The following CFAP58 variants were observed in gnomAD, a reference collection of about 807,000 sequenced individuals.
CFAP58 encodes cilia and flagella associated protein 58.
CFAP58 carries 88 observed loss-of-function variants against 119.5 expected under a neutral mutation model. The observed-to-expected ratio is 0.74, with a 90% CI of 0.62 to 0.88. The LOEUF is 0.88. Ranked by LOEUF, CFAP58 falls within the 40% of genes least tolerant of loss-of-function variation. The pLI is 0.00. For synonymous variants in CFAP58, 365 were observed against 366.3 expected, an observed-to-expected ratio of 1.00 and a Z score of 0.04; for missense variants, 990 against 1,021.2, an observed-to-expected ratio of 0.97 and a Z score of 0.42.
the CFAP58 span, among the ~76,000 whole-genome samples, chr10:104,341,122 C>T: frequency 6.6e-6 from 1 of 152,048 alleles, no homozygotes; most frequent in African/African-American, 2.4e-5. Flanking sequence ...TCCCCTTGGC[C>T]CTGTCAGAAG....
At chr10:104,369,556 G>A (rs2135259625) in intron 6 of CFAP58, among the ~76,000 whole-genome samples, 1 of 152,296 alleles carries the variant, frequency 6.6e-6, no homozygotes, top group East Asian at 1.9e-4. Context: ...CATTCTTTAT[G>A]AGAATGCAAT....
chr10:104,356,204 T>C (rs72825871), intron 1 of CFAP58, among the ~76,000 whole-genome samples: 4,082 of 152,360 alleles, frequency 0.027, 74 homozygotes, highest in African/African-American at 0.045. Flanking sequence ...GATATGCTTG[T>C]GACTCTACAT....
chr10:104,443,699 G>A (rs902170588), intron 15 of CFAP58, among the ~76,000 whole-genome samples: 27 of 152,308 alleles, frequency 1.8e-4, no homozygotes, highest in African/African-American at 6.3e-4. Context: ...CTGTAGCTTG[G>A]TGGGGAAAGG....
intron 7 of CFAP58, among the ~76,000 whole-genome samples, chr10:104,375,437 G>C (rs995326528): frequency 6.6e-6 from 1 of 152,060 alleles, no homozygotes; most frequent in Non-Finnish European, 1.5e-5. Flanking sequence ...GCAAGTGGCC[G>C]GGTGCAGTAG....
intron 11 of CFAP58, among the ~76,000 whole-genome samples, chr10:104,394,921 T>C (rs1040505837): frequency 3.9e-5 from 6 of 152,204 alleles, no homozygotes; most frequent in African/African-American, 9.6e-5. Context: ...ATTTTAAACA[T>C]TGCTTCACCC....
At chr10:104,370,546 G>A (rs959928653) in intron 6 of CFAP58, among the ~76,000 whole-genome samples, 63 of 152,300 alleles carry the variant, frequency 4.1e-4, no homozygotes, top group Middle Eastern at 3.4e-3. Context: ...ACCTGCCCCC[G>A]TGATTCAATT....
At chr10:104,409,180 T>C (rs1297173839) in intron 15 of CFAP58, among the ~76,000 whole-genome samples, 1 of 152,216 alleles carries the variant, frequency 6.6e-6, no homozygotes, top group African/African-American at 2.4e-5. Context: ...TTGTATATTT[T>C]CAGAATTATT....
chr10:104,403,904 T>TCATTGTGCTTTAGGTTAG, intron 14 of CFAP58, 64 bp downstream of exon 14: 1 of 1,014,198 alleles, frequency 9.9e-7, no homozygotes, highest in Non-Finnish European at 1.5e-6. Context: ...GCGAAGCTTC[T>TCATTGTGCTTTAGGTTAG]AACCTAAAGC....
In CFAP58 at chr10:104,364,851, G is replaced by C. The variant is rs757361110; in HGVS notation, c.559G>C (p.Glu187Gln). 2.5e-6 allele frequency: 4 copies of C among 1,611,872 alleles called. No individual in the cohort carries two copies. The South Asian group carries it at 3.3e-5, about 13-fold the overall frequency. The part of the protein sequence containing the change: ...AQTTEQQQET[E>Q]RSKEEAEHAI... ...GACCACTGAACAGCAGCAGGAAACA[G>C]AGCGATCAAAAGAGGAGGCTGAACA... is the stretch of plus-strand genomic sequence containing the variant. The change falls in exon 4 of 18, where the codon GAG (glutamate) becomes CAG (glutamine). Residue 187 changes from glutamate (E) to glutamine (Q), a missense_variant. Physicochemically the swap from Glu to Gln is conservative, Grantham distance 29. Transcript: ENST00000369704.
At chr10:104,391,693 C>T (rs1043883957) in intron 9 of CFAP58, among the ~76,000 whole-genome samples, 4 of 152,212 alleles carry the variant, frequency 2.6e-5, no homozygotes, top group African/African-American at 9.6e-5. Context: ...GTACTTTGTG[C>T]ACAATAGAAT....
intron 3 of CFAP58, 83 bp from the exon 4 acceptor site, chr10:104,364,650 C>G: frequency 7.8e-7 from 1 of 1,276,858 alleles, no homozygotes. Context: ...ACATCTTTCC[C>G]ATGAAAATGA....
At chr10:104,433,757 A>G (rs2012887496) in intron 15 of CFAP58, among the ~76,000 whole-genome samples, 1 of 152,248 alleles carries the variant, frequency 6.6e-6, no homozygotes, top group African/African-American at 2.4e-5. Flanking sequence ...TCTTGTTTTC[A>G]AATTTTAATT....
intron 9 of CFAP58, chr10:104,382,416 G>A (rs2011829978): frequency 4.0e-6 from 2 of 503,584 alleles, no homozygotes; most frequent in Admixed American, 3.2e-5. Flanking sequence ...CCATTCCGAG[G>A]TGCCATCACA....
chr10:104,413,507 C>T lies in CFAP58; in HGVS notation c.2256+6714C>T, dbSNP rs185431857. On this transcript the variant is annotated intron_variant, in intron 15 of 17. Transcript: ENST00000369704. ...TCTTCTGCTCACCAAGCTACTCTCC[C>T]CTTCAGAGAAGCAGGGGCAATGGAA... 5.8e-4 allele frequency among the ~76,000 whole-genome samples: 88 copies of T among 152,276 alleles called. 1 individual carries two copies. Among genetic ancestry groups the T allele is most frequent in the African/African-American group, 2.1e-3 (86 of 41,562 alleles).
intron 9 of CFAP58, among the ~76,000 whole-genome samples, chr10:104,381,303 G>T (rs908107516): frequency 2.0e-5 from 3 of 152,198 alleles, no homozygotes; most frequent in African/African-American, 7.2e-5. Flanking sequence ...TGGCTTTGGA[G>T]ATTTGGATTT....
intron 1 of CFAP58, among the ~76,000 whole-genome samples, chr10:104,355,604 C>G (rs1229382730): frequency 3.9e-5 from 6 of 152,116 alleles, no homozygotes; most frequent in African/African-American, 1.4e-4. Context: ...TTGATATTCC[C>G]AGAACTTAGG....
In CFAP58 at chr10:104,392,230, C is replaced by T. The variant is rs771696882; in HGVS notation, c.1366-3C>T. 1.6e-5 allele frequency: 26 copies of T among 1,610,238 alleles called. No homozygotes were observed. The highest frequency in any genetic ancestry group is 2.1e-5 in the Non-Finnish European group (25 of 1,178,762). On this transcript the variant is annotated splice_region_variant and splice_polypyrimidine_tract_variant and intron_variant, in intron 9 of 17. Coordinates refer to ENST00000369704, the MANE Select transcript of CFAP58 (RefSeq NM_001008723.2). ...CACATTCATATATGTCTTTCTCCTC[C>T]AGGTCCTTATGAACATGGAAGACAT...
At chr10:104,358,070 T>C (rs2014614835) in intron 1 of CFAP58, among the ~76,000 whole-genome samples, 1 of 149,778 alleles carries the variant, frequency 6.7e-6, no homozygotes, top group Non-Finnish European at 1.5e-5. Flanking sequence ...TATATACACA[T>C]ATGTACATAT....
chr10:104,370,871 T>C (rs777775585), intron 6 of CFAP58, 24 bp from the exon 7 acceptor site: 2 of 1,598,526 alleles, frequency 1.3e-6, no homozygotes, highest in Non-Finnish European at 1.7e-6. Context: ...AAGTGACTCA[T>C]TAATTCTTTC....
Sources: allele counts gnomAD v4.1 joint callset (sites outside exome capture counted in the v4.1 genomes callset), GRCh38; gene constraint gnomAD v4.1.1; transcripts MANE v1.5; gene names NCBI Gene and HGNC (gene_info 2026-07-23, HGNC 2026-07-21).